NUP35: variants seen among roughly 807,000 people sequenced by gnomAD.
NUP35 encodes nucleoporin NUP35.
A neutral mutation model predicts 41.5 loss-of-function variants in NUP35; 25 were observed. The observed-to-expected ratio is 0.60, with a 90% CI of 0.44 to 0.84. NUP35 has a LOEUF of 0.84. Ranked by LOEUF, NUP35 falls within the 40% of genes least tolerant of loss-of-function variation. The pLI is 0.00. For synonymous variants in NUP35, 149 were observed against 130.7 expected, an observed-to-expected ratio of 1.14 and a Z score of -0.96; for missense variants, 396 against 396.6, an observed-to-expected ratio of 1.00 and a Z score of 0.01.
chr2:183,158,736 G>A (rs1034019321), intron 7 of NUP35, among the ~76,000 whole-genome samples: 1 of 152,034 alleles, frequency 6.6e-6, no homozygotes, highest in African/African-American at 2.4e-5. Context: ...TGTGCAAAGC[G>A]ATACCAGATT....
intron 7 of NUP35, 116 bp from the exon 8 acceptor site, chr2:183,159,372 T>G (rs1328818738): frequency 4.9e-6 from 4 of 818,956 alleles, no homozygotes; most frequent in Non-Finnish European, 7.2e-6. Flanking sequence ...CAAGTTTAAT[T>G]AGAGCAAATA....
intron 5 of NUP35, among the ~76,000 whole-genome samples, chr2:183,156,234 C>A (rs1685661269): frequency 6.6e-6 from 1 of 152,262 alleles, no homozygotes; most frequent in East Asian, 1.9e-4. Context: ...AGGCACCCAA[C>A]CTATTTGTTG....
chr2:183,144,872 C>G (rs1685223316), intron 4 of NUP35, among the ~76,000 whole-genome samples: 1 of 152,122 alleles, frequency 6.6e-6, no homozygotes, highest in South Asian at 2.1e-4. Context: ...GTTGACAGGG[C>G]AAAAATTAGA....
At chr2:183,157,660 A>C in intron 6 of NUP35, 147 bp downstream of exon 6, 1 of 605,084 alleles carries the variant, frequency 1.7e-6, no homozygotes, top group East Asian at 2.8e-5. Flanking sequence ...GAAGTCTGGA[A>C]GGCTGGAAGT....
At chr2:183,120,254 TG>T (rs1700047596), upstream of NUP35, 2 of 152,270 alleles carry the variant, frequency 1.3e-5, no homozygotes, top group Non-Finnish European at 2.9e-5. Context: ...GAGACCAGCC[TG>T]GCCAACATGG....
rs754875180 is a variant in NUP35 at position 183,128,415 on chromosome 2, C to T, written c.169C>T (p.Pro57Ser). The T allele has an allele frequency of 2.5e-6, 4 of 1,613,422 alleles. No individual in the cohort carries two copies. Among genetic ancestry groups the T allele is most frequent in the Non-Finnish European group, 2.5e-6 (3 of 1,179,714 alleles). ...TCCACAACCTCGATCAATTAGTGGC[C>T]CTTCAGTAGGAGTAATGGAAATGAG... is the stretch of plus-strand genomic sequence containing the variant. ...VTPQPRSISG[P>S]SVGVMEMRSP... Residue 57 changes from proline to serine, a missense_variant, in exon 2 of 9, where the codon CCT becomes TCT. Pro to Ser is a moderately conservative substitution (Grantham distance 74). Coordinates refer to ENST00000295119, the MANE Select transcript of NUP35 (RefSeq NM_138285.5).
At chr2:183,155,071 C>G (rs531996187) in intron 5 of NUP35, among the ~76,000 whole-genome samples, 3 of 152,270 alleles carry the variant, frequency 2.0e-5, no homozygotes, top group Admixed American at 6.5e-5. Flanking sequence ...AATTACCTCT[C>G]TCAGGTCCCT....
chr2:183,140,231 G>T (rs1685039921), intron 4 of NUP35, among the ~76,000 whole-genome samples: 3 of 152,176 alleles, frequency 2.0e-5, no homozygotes, highest in South Asian at 4.2e-4. Flanking sequence ...CCCTAGAGGA[G>T]AATTTTTTTT....
chr2:183,134,214 G>A lies in NUP35; in HGVS notation c.397+591G>A, dbSNP rs190523228. On this transcript the variant is annotated intron_variant, in intron 4 of 8. Transcript: ENST00000295119. ...TCATATGTGTATAATCCCATCAAAT[G>A]TTTATTCAGCAAATATTTGAGCACC... 1.7e-4 allele frequency among the ~76,000 whole-genome samples: 26 copies of A among 152,244 alleles called. No homozygotes were observed. In the East Asian group the frequency reaches 2.5e-3, roughly 15 times the overall value.
At chr2:183,136,816 G>A (rs1829121) in intron 4 of NUP35, among the ~76,000 whole-genome samples, 50,774 of 151,670 alleles carry the variant, frequency 0.33, 8,827 homozygotes, top group African/African-American at 0.37. Flanking sequence ...TAGGCTGGGC[G>A]CAGTGGTTCA....
upstream of NUP35, among the ~76,000 whole-genome samples, chr2:183,120,441 G>A (rs893209667): frequency 1.2e-5 from 1 of 82,056 alleles, no homozygotes; most frequent in Non-Finnish European, 2.3e-5. Context: ...GTGAGACTCC[G>A]TCTCAAAAAA....
intron 4 of NUP35, among the ~76,000 whole-genome samples, chr2:183,151,246 C>T (rs1339875478): frequency 6.6e-6 from 1 of 152,160 alleles, no homozygotes; most frequent in Non-Finnish European, 1.5e-5. Flanking sequence ...CTGGTGTCAG[C>T]TTAACCAGAC....
intron 4 of NUP35, among the ~76,000 whole-genome samples, chr2:183,145,694 TAAAATG>T (rs1368299091): frequency 1.3e-5 from 2 of 152,160 alleles, no homozygotes; most frequent in African/African-American, 4.8e-5. Context: ...ACTCCAACAA[TAAAATG>T]GGACAATAGA....
Position 183,151,547 on chromosome 2 carries a change from G to A in NUP35, c.437G>A (p.Arg146Gln), listed in dbSNP as rs1329374988. 40 of 1,613,884 alleles carry A rather than the reference G, an allele frequency of 2.5e-5. No homozygotes were observed. The highest frequency in any genetic ancestry group is 5.5e-5 in the South Asian group (5 of 91,084). Reference protein sequence around the residue: ...MFSPASIGQPRKTTLSPAQLD... With the variant: ...MFSPASIGQPQKTTLSPAQLD... ...AGTCCAGCAAGTATCGGTCAGCCAC[G>A]AAAGACGACATTATCTCCTGCCCAG... is the stretch of plus-strand genomic sequence containing the variant. Residue 146 changes from arginine to glutamine, a missense_variant, in exon 5 of 9, where the codon CGA becomes CAA. Transcript: ENST00000295119.
At chr2:183,131,326 T>G (rs1329788998) in intron 3 of NUP35, 1 of 153,080 alleles carries the variant, frequency 6.5e-6, no homozygotes, top group Admixed American at 6.5e-5. Context: ...TAGTAGGACA[T>G]ATAAACAAAG....
At chr2:183,133,692 T>A in intron 4 of NUP35, 69 bp downstream of exon 4, 2 of 1,044,296 alleles carry the variant, frequency 1.9e-6, no homozygotes, top group Non-Finnish European at 2.7e-6. Flanking sequence ...CACGCTGGAG[T>A]GCAGTGGTGT....
chr2:183,148,953 A>C (rs1685370993), intron 4 of NUP35, among the ~76,000 whole-genome samples: 1 of 152,168 alleles, frequency 6.6e-6, no homozygotes, highest in Admixed American at 6.5e-5. Flanking sequence ...GCTTTTTATC[A>C]CAGTAGCTTT....
At chr2:183,126,328 T>C (rs1374157758) in intron 1 of NUP35, among the ~76,000 whole-genome samples, 1 of 152,260 alleles carries the variant, frequency 6.6e-6, no homozygotes, top group Non-Finnish European at 1.5e-5. Flanking sequence ...CTACTGTGTC[T>C]GTATGTATCC....
At chr2:183,131,015 T>C in intron 3 of NUP35, 1 of 756,986 alleles carries the variant, frequency 1.3e-6, no homozygotes, top group Non-Finnish European at 2.0e-6. Flanking sequence ...AGGGTCCTGA[T>C]CAGTTGCCCA....
Sources: allele counts gnomAD v4.1 joint callset (sites outside exome capture counted in the v4.1 genomes callset), GRCh38; gene constraint gnomAD v4.1.1; transcripts MANE v1.5; gene names NCBI Gene and HGNC (gene_info 2026-07-23, HGNC 2026-07-21).